GALNT14: variants seen among roughly 807,000 people sequenced by gnomAD.
GALNT14 encodes the protein UDP-GalNAc:polypeptide N-acetylgalactosaminyltransferase 14.
Under a neutral mutation model 77.5 loss-of-function variants are expected in GALNT14, and 60 were observed. The observed-to-expected ratio is 0.77, with a 90% CI of 0.63 to 0.96. GALNT14 has a LOEUF of 0.96. Ranked by LOEUF, GALNT14 falls within the 40% of genes least tolerant of loss-of-function variation. The pLI, the probability that GALNT14 is intolerant of heterozygous loss-of-function variation, is 0.00. For synonymous variants in GALNT14, 280 were observed against 281.7 expected, an observed-to-expected ratio of 0.99 and a Z score of 0.06; for missense variants, 710 against 731.0, an observed-to-expected ratio of 0.97 and a Z score of 0.33.
At chr2:30,930,100 T>C in intron 10 of GALNT14, among the ~76,000 whole-genome samples, 1 of 152,196 alleles carries the variant, frequency 6.6e-6, no homozygotes, top group East Asian at 1.9e-4. Context: ...CCCCAAAAGA[T>C]ACAGACCAGG....
At chr2:31,125,263 C>A in intron 1 of GALNT14, 3 of 1,546,324 alleles carry the variant, frequency 1.9e-6, no homozygotes, top group Non-Finnish European at 2.6e-6. Flanking sequence ...CCTGAAAATG[C>A]CACAAGAAAG....
At chr2:30,922,751 CT>C (rs1369057562) in intron 13 of GALNT14, among the ~76,000 whole-genome samples, 52 of 152,366 alleles carry the variant, frequency 3.4e-4, no homozygotes, top group African/African-American at 1.2e-3. Flanking sequence ...ATACTACTTT[CT>C]AGCTTATTTT....
In GALNT14 at chr2:31,137,991, C is replaced by T. The variant is rs1239438582; in HGVS notation, c.96G>A (p.Glu32=). The T allele has an allele frequency of 6.2e-7, 1 of 1,613,768 alleles. No homozygotes were observed. The highest frequency in any genetic ancestry group is 1.1e-5 in the South Asian group (1 of 91,080). Residue 32 remains glutamate, a synonymous_variant, in exon 1 of 15, where the codon GAG becomes GAA. Coordinates refer to ENST00000349752, the MANE Select transcript of GALNT14 (RefSeq NM_024572.4). ...LFFWVTKRKL[E]VPTGPEVQTP... The stretch of plus-strand genomic sequence containing the variant: ...TCTGCACTTCAGGTCCCGTCGGCAC[C>T]TCCAACTTCCTCTTGGTTACCCAGA...
chr2:30,914,464 A>G (rs1017277845), intron 13 of GALNT14, among the ~76,000 whole-genome samples: 13 of 152,218 alleles, frequency 8.5e-5, no homozygotes, highest in Non-Finnish European at 8.8e-5. Context: ...CCAGTTCCCA[A>G]TGACAACCTT....
rs577889904 is a variant in GALNT14 at position 31,063,819 on chromosome 2, A to T, written c.130-70812T>A. On this transcript the variant is annotated intron_variant, in intron 1 of 14. Coordinates refer to ENST00000349752, the MANE Select transcript of GALNT14 (RefSeq NM_024572.4). ...CGAGGTATTCTATTCTCTTTGTAGC[A>T]ATTCTGAATGGGAGTTCACTCATGA... Among the ~76,000 whole-genome samples the T allele has an allele frequency of 2.0e-5, 3 of 152,198 alleles. No individual in the cohort carries two copies. The South Asian group carries it at 6.2e-4, about 32-fold the overall frequency.
At chr2:31,027,919 C>T (rs942644651) in intron 1 of GALNT14, among the ~76,000 whole-genome samples, 6 of 60,708 alleles carry the variant, frequency 9.9e-5, no homozygotes, top group African/African-American at 1.3e-4. Flanking sequence ...TGTGTGTGTG[C>T]ACGCATGCAT....
chr2:30,970,815 C>G (rs1181600580), intron 2 of GALNT14, among the ~76,000 whole-genome samples: 3 of 152,184 alleles, frequency 2.0e-5, no homozygotes, highest in African/African-American at 7.2e-5. Context: ...TCACAGGACT[C>G]TCCTCCTGCC....
chr2:30,946,293 C>T (rs1305848791), intron 6 of GALNT14, among the ~76,000 whole-genome samples: 2 of 152,138 alleles, frequency 1.3e-5, no homozygotes, highest in Non-Finnish European at 2.9e-5. Flanking sequence ...AATCTCATGT[C>T]AAATTGCAGT....
chr2:30,973,858 A>G (rs1668493662), intron 2 of GALNT14, among the ~76,000 whole-genome samples: 2 of 152,212 alleles, frequency 1.3e-5, no homozygotes, highest in African/African-American at 2.4e-5. Context: ...GACCCTTAAC[A>G]TAACAGTGAG....
intron 6 of GALNT14, among the ~76,000 whole-genome samples, chr2:30,954,623 GGATTTCCTTGTTTTCTTCTGAGCA>G (rs1667245002): frequency 6.6e-6 from 1 of 152,186 alleles, no homozygotes; most frequent in African/African-American, 2.4e-5. Flanking sequence ...ATGTTGGGAA[GGATTTCCTTGTTTTCTTCTGAGCA>G]GACGACATAG....
intron 13 of GALNT14, among the ~76,000 whole-genome samples, chr2:30,917,076 C>CAAAAAAAAAAA (rs529653696): frequency 0.046 from 912 of 19,898 alleles, 171 homozygotes; most frequent in East Asian, 0.1. Context: ...GACTCCGTCT[C>CAAAAAAAAAAA]AAAAAAAAAA....
chr2:31,085,013 C>T (rs1317865319), intron 1 of GALNT14, among the ~76,000 whole-genome samples: 6 of 136,720 alleles, frequency 4.4e-5, no homozygotes, highest in South Asian at 2.3e-4. Flanking sequence ...GGTGACAGAA[C>T]GAGACTCCAT....
intron 4 of GALNT14, among the ~76,000 whole-genome samples, chr2:30,956,305 C>T (rs1198648010): frequency 2.6e-5 from 4 of 152,098 alleles, no homozygotes; most frequent in African/African-American, 9.7e-5. Flanking sequence ...TTTCTCTTTT[C>T]TTTTTTGTTA....
At chr2:30,894,957 G>T in the GALNT14 span, among the ~76,000 whole-genome samples, 6 of 152,202 alleles carry the variant, frequency 3.9e-5, no homozygotes, top group Admixed American at 6.5e-5. Flanking sequence ...AGCAGCACAG[G>T]AGCACCTGAC....
intron 1 of GALNT14, among the ~76,000 whole-genome samples, chr2:31,021,391 G>A (rs1055394360): frequency 5.4e-5 from 8 of 148,612 alleles, no homozygotes; most frequent in African/African-American, 1.2e-4. Context: ...TGCAACCTCC[G>A]CCTCCTGGGT....
At chr2:30,902,467 C>T in the GALNT14 span, among the ~76,000 whole-genome samples, 28 of 152,118 alleles carry the variant, frequency 1.8e-4, no homozygotes, top group Non-Finnish European at 1.9e-4. Flanking sequence ...GGTGACTCTT[C>T]GTTATCACCC....
chr2:31,013,506 G>A (rs1241812079), intron 1 of GALNT14, among the ~76,000 whole-genome samples: 3 of 152,204 alleles, frequency 2.0e-5, no homozygotes, highest in Non-Finnish European at 4.4e-5. Flanking sequence ...CCATGTCAGC[G>A]GATAATGAAG....
chr2:31,043,037 C>T (rs1673196683), intron 1 of GALNT14, among the ~76,000 whole-genome samples: 1 of 152,160 alleles, frequency 6.6e-6, no homozygotes, highest in African/African-American at 2.4e-5. Flanking sequence ...CCTCCTACTT[C>T]TCCCCTTTCT....
chr2:31,020,688 A>T (rs544599305), intron 1 of GALNT14, among the ~76,000 whole-genome samples: 1 of 152,242 alleles, frequency 6.6e-6, no homozygotes, highest in East Asian at 1.9e-4. Flanking sequence ...GGTAGGATCA[A>T]CCCACCTTCT....
Sources: allele counts gnomAD v4.1 joint callset (sites outside exome capture counted in the v4.1 genomes callset), GRCh38; gene constraint gnomAD v4.1.1; transcripts MANE v1.5; gene names NCBI Gene and HGNC (gene_info 2026-07-23, HGNC 2026-07-21).